Variants in PDE8B observed in about 807,000 individuals in gnomAD.
The protein encoded by PDE8B is phosphodiesterase 8B, also known as high affinity cAMP-specific and IBMX-insensitive 3',5'-cyclic phosphodiesterase 8B.
In PDE8B, 26 loss-of-function variants were observed where a neutral mutation model predicts 101.3. That is an observed-to-expected ratio of 0.26 (90% CI 0.19 to 0.36). PDE8B has a LOEUF of 0.36. Ranked by LOEUF, PDE8B falls within the 10% of genes least tolerant of loss-of-function variation. The pLI is 1.00. For synonymous variants in PDE8B, 424 were observed against 429.3 expected, an observed-to-expected ratio of 0.99 and a Z score of 0.15; for missense variants, 810 against 1,163.1, an observed-to-expected ratio of 0.70 and a Z score of 4.42.
chr5:77,337,141 G>A, intron 5 of PDE8B, 86 bp from the exon 6 acceptor site: 3 of 765,070 alleles, frequency 3.9e-6, no homozygotes, highest in Non-Finnish European at 6.9e-6. Flanking sequence ...GTTACCTGGG[G>A]ATAGGAACAA....
chr5:77,285,027 T>A lies in PDE8B; in HGVS notation c.340-26967T>A, dbSNP rs545010433. Reference sequence around the variant, plus strand: ...TATATTTCCAGTTTGTGCCCCACTGTCCCAGCTTATGCCTAGACGTCCAGA... The same window carrying A: ...TATATTTCCAGTTTGTGCCCCACTGACCCAGCTTATGCCTAGACGTCCAGA... On this transcript the variant is annotated intron_variant, in intron 1 of 21. Transcript: ENST00000264917. Among the ~76,000 whole-genome samples, 5 of 152,316 alleles carry A rather than the reference T, an allele frequency of 3.3e-5. No individual in the cohort carries two copies. The South Asian group carries it at 1.0e-3, about 32-fold the overall frequency.
chr5:77,407,504 C>G (rs528851414), intron 13 of PDE8B, 47 bp downstream of exon 13: 4 of 1,316,142 alleles, frequency 3.0e-6, no homozygotes, highest in South Asian at 2.3e-5. Context: ...GGCCCTCACA[C>G]AGGGCCGTGC....
At chr5:77,187,962 C>A in the PDE8B span, among the ~76,000 whole-genome samples, 9,157 of 152,184 alleles carry the variant, frequency 0.06, 966 homozygotes, top group African/African-American at 0.21. Context: ...TATTTATCAC[C>A]AGCTCTTTAT....
intron 3 of PDE8B, among the ~76,000 whole-genome samples, chr5:77,327,268 C>T (rs1350900859): frequency 1.3e-5 from 2 of 152,190 alleles, no homozygotes; most frequent in Admixed American, 6.5e-5. Context: ...CCTTGAGCCT[C>T]AGCCCCACCT....
chr5:77,129,820 C>G, the PDE8B span, among the ~76,000 whole-genome samples: 1 of 149,604 alleles, frequency 6.7e-6, no homozygotes, highest in Non-Finnish European at 1.5e-5. Context: ...CCCACCCTAC[C>G]TCTACACTGT....
chr5:77,100,510 T>C, the PDE8B span: 1 of 152,262 alleles, frequency 6.6e-6, no homozygotes, highest in African/African-American at 2.4e-5. Flanking sequence ...CTTCTTGTTC[T>C]TACCTCTCTA....
At position 77,318,636 on chromosome 5, in the gene PDE8B, A is replaced by C. The variant is rs139007054; in HGVS notation, c.399+6583A>C. On this transcript the variant is annotated intron_variant, in intron 2 of 21. Coordinates refer to ENST00000264917, the MANE Select transcript of PDE8B (RefSeq NM_003719.5). ...GGCTGCCCCTTAAAAAACTCCCATTAAACTATAGCTGTAATCAGCATCACT... is the reference window on the plus strand; with the variant it reads ...GGCTGCCCCTTAAAAAACTCCCATTCAACTATAGCTGTAATCAGCATCACT... 3.3e-3 allele frequency among the ~76,000 whole-genome samples: 505 copies of C among 152,316 alleles called. 1 individual carries two copies. Among genetic ancestry groups the C allele is most frequent in the African/African-American group, 0.012 (490 of 41,566 alleles).
At chr5:77,120,008 C>G in the PDE8B span, among the ~76,000 whole-genome samples, 1 of 151,336 alleles carries the variant, frequency 6.6e-6, no homozygotes, top group African/African-American at 2.4e-5. Flanking sequence ...CTAAACAAAA[C>G]AAAACAAAAC....
At chr5:77,421,797 C>G (rs1219738009) in intron 19 of PDE8B, 24 bp from the exon 20 acceptor site, 2 of 1,612,610 alleles carry the variant, frequency 1.2e-6, no homozygotes, top group Non-Finnish European at 1.7e-6. Context: ...TGAACCAAGC[C>G]TGATCTGACC....
the PDE8B span, among the ~76,000 whole-genome samples, chr5:77,121,687 T>C: frequency 6.6e-6 from 1 of 152,094 alleles, no homozygotes. Flanking sequence ...TTTGTATTTT[T>C]AGTAGAGACG....
chr5:77,116,204 C>CTATATA, the PDE8B span, among the ~76,000 whole-genome samples: 12 of 91,092 alleles, frequency 1.3e-4, no homozygotes, highest in South Asian at 4.8e-4. Context: ...CCGAGTTCTT[C>CTATATA]TATATATATA....
chr5:77,171,350 A>G, the PDE8B span, among the ~76,000 whole-genome samples: 3 of 152,178 alleles, frequency 2.0e-5, no homozygotes, highest in Non-Finnish European at 4.4e-5. Context: ...CATAGTTTGA[A>G]CTTCATTCCA....
the PDE8B span, among the ~76,000 whole-genome samples, chr5:77,091,635 T>A: frequency 4.9e-3 from 751 of 152,210 alleles, 8 homozygotes; most frequent in Middle Eastern, 0.024. Context: ...AGTGAGACTC[T>A]GTCTGAAAAA....
chr5:77,352,658 A>T (rs1781373669), intron 9 of PDE8B, among the ~76,000 whole-genome samples: 1 of 152,214 alleles, frequency 6.6e-6, no homozygotes, highest in South Asian at 2.1e-4. Context: ...AGAGAGAGAG[A>T]GTGGGATACC....
At chr5:77,241,068 G>A (rs1755669853) in intron 1 of PDE8B, among the ~76,000 whole-genome samples, 1 of 152,156 alleles carries the variant, frequency 6.6e-6, no homozygotes, top group Admixed American at 6.5e-5. Context: ...AATCAACAAG[G>A]GAGACAGCAG....
At chr5:77,356,670 T>C (rs1782160994) in intron 10 of PDE8B, among the ~76,000 whole-genome samples, 1 of 152,178 alleles carries the variant, frequency 6.6e-6, no homozygotes, top group African/African-American at 2.4e-5. Flanking sequence ...CCTCAGGTGA[T>C]CCACCTGCCT....
chr5:77,117,245 CAA>C, the PDE8B span, among the ~76,000 whole-genome samples: 20 of 152,172 alleles, frequency 1.3e-4, no homozygotes, highest in African/African-American at 3.6e-4. Context: ...GAAATGGTAA[CAA>C]GAGCCACATT....
chr5:77,152,873 G>A, the PDE8B span, among the ~76,000 whole-genome samples: 1 of 152,146 alleles, frequency 6.6e-6, no homozygotes, highest in Non-Finnish European at 1.5e-5. Flanking sequence ...GCTCTTCCAG[G>A]AGAGAATCTC....
rs970647722 is a variant in PDE8B at position 77,233,713 on chromosome 5, G to A, written c.339+22449G>A. 2.1e-5 allele frequency among the ~76,000 whole-genome samples: 3 copies of A among 140,584 alleles called. No individual in the cohort carries two copies. In the East Asian group the frequency reaches 7.4e-4, roughly 35 times the overall value. The allele number at this position is 140,584 out of a possible 152,430, so 92.2% of individuals were successfully genotyped here. ...GTGTGTGTGTGTGCAGTAGACTTTT[G>A]TTGCATTAGGTTAAATATGCTCTTC... On this transcript the variant is annotated intron_variant, in intron 1 of 21. Coordinates refer to ENST00000264917, the MANE Select transcript of PDE8B (RefSeq NM_003719.5).
Sources: gnomAD v4.1 joint callset for allele counts (sites outside exome capture counted in the v4.1 genomes callset) on GRCh38, gnomAD v4.1.1 for gene constraint, MANE v1.5 for transcripts, NCBI Gene and HGNC (gene_info 2026-07-23, HGNC 2026-07-21) for gene names.